Variants in GSE1 observed in about 807,000 individuals in gnomAD.
The protein encoded by GSE1 is genetic suppressor element 1.
Under a neutral mutation model 112.6 loss-of-function variants are expected in GSE1, and 32 were observed. The ratio of observed to expected loss-of-function variants is 0.28; its 90% CI spans 0.21 to 0.38. GSE1 has a LOEUF of 0.38. Among genes scored for constraint, GSE1 ranks in the 10% least tolerant of loss-of-function variants. The pLI, the probability that GSE1 is intolerant of heterozygous loss-of-function variation, is 1.00. For missense variants in GSE1, 2,348 were observed against 1,699.2 expected, an observed-to-expected ratio of 1.38 and a Z score of -6.71; for synonymous variants, 1,115 against 735.6, an observed-to-expected ratio of 1.52 and a Z score of -8.35.
In GSE1 at chr16:85,654,896, C is replaced by T. The variant is rs2051781797; in HGVS notation, c.702C>T (p.Ser234=). 3 of 1,611,630 alleles carry T rather than the reference C, an allele frequency of 1.9e-6. No individual in the cohort carries two copies. The highest frequency in any genetic ancestry group is 1.3e-5 in the African/African-American group (1 of 75,002). The stretch of plus-strand genomic sequence containing the variant: ...ACACCACCGACGACCTCCGCATGTC[C>T]TCACTGCCTCCCCTCGGCCTGGACC... ...PYHTTDDLRM[S]SLPPLGLDPA... Residue 234 remains serine, a synonymous_variant, in exon 5 of 16, where the codon TCC becomes TCT. Coordinates refer to ENST00000253458, the MANE Select transcript of GSE1 (RefSeq NM_014615.5).
intron 2 of GSE1, among the ~76,000 whole-genome samples, chr16:85,477,010 C>G (rs952108941): frequency 6.6e-6 from 1 of 151,308 alleles, no homozygotes; most frequent in African/African-American, 2.4e-5. Context: ...CTGCAACCTC[C>G]ACTTCCCAGG....
intron 1 of GSE1, among the ~76,000 whole-genome samples, chr16:85,304,342 G>C (rs926495021): frequency 6.6e-6 from 1 of 152,232 alleles, no homozygotes; most frequent in Non-Finnish European, 1.5e-5. Context: ...ACAGCCAGGT[G>C]GGGAGAGGCC....
At chr16:85,171,803 C>G (rs774603466) in exon 1 of GSE1, 1 of 985,290 alleles carries the variant, frequency 1.0e-6, no homozygotes, top group Non-Finnish European at 1.2e-6. Context: ...GCAGCAGCGA[C>G]GAAGGTAAGC....
intron 1 of GSE1, among the ~76,000 whole-genome samples, chr16:85,177,126 G>A (rs1238909869): frequency 6.6e-6 from 1 of 152,232 alleles, no homozygotes; most frequent in Non-Finnish European, 1.5e-5. Flanking sequence ...CCAGGGGAAG[G>A]AGGAAGTGAA....
chr16:85,653,498 T>C (rs1598607311), intron 3 of GSE1, among the ~76,000 whole-genome samples: 1 of 151,050 alleles, frequency 6.6e-6, no homozygotes, highest in East Asian at 2.0e-4. Flanking sequence ...CACTGCCTCC[T>C]CCTGCTTTGT....
intron 1 of GSE1, chr16:85,583,572 C>T (rs1372263423): frequency 6.6e-6 from 1 of 152,112 alleles, no homozygotes; most frequent in East Asian, 1.9e-4. Context: ...CAGGAACTCA[C>T]ACATGCTCAC....
intron 2 of GSE1, among the ~76,000 whole-genome samples, chr16:85,403,836 T>G (rs1334461144): frequency 6.6e-6 from 1 of 152,100 alleles, no homozygotes; most frequent in Non-Finnish European, 1.5e-5. Context: ...AAATGTATTC[T>G]GCCACAGTCT....
chr16:85,637,876 C>A (rs1473639031), intron 2 of GSE1, among the ~76,000 whole-genome samples: 3 of 152,182 alleles, frequency 2.0e-5, no homozygotes, highest in Non-Finnish European at 4.4e-5. Context: ...GCTCAGCGGC[C>A]CGCAGCCAGG....
At chr16:85,581,605 C>T (rs1006555256) in intron 1 of GSE1, among the ~76,000 whole-genome samples, 4 of 152,158 alleles carry the variant, frequency 2.6e-5, no homozygotes, top group Non-Finnish European at 5.9e-5. Flanking sequence ...GTTCAGCATG[C>T]GTCTCTGTGC....
intron 2 of GSE1, among the ~76,000 whole-genome samples, chr16:85,394,662 T>G (rs1217817969): frequency 6.6e-6 from 1 of 152,136 alleles, no homozygotes; most frequent in African/African-American, 2.4e-5. Flanking sequence ...TGTGGGCGTC[T>G]CCCCCTGAAA....
At chr16:85,179,296 T>A (rs1454240165) in intron 1 of GSE1, among the ~76,000 whole-genome samples, 1 of 152,200 alleles carries the variant, frequency 6.6e-6, no homozygotes, top group Non-Finnish European at 1.5e-5. Flanking sequence ...CGCAGCACCA[T>A]GTTTTCAGGG....
intron 1 of GSE1, among the ~76,000 whole-genome samples, chr16:85,567,929 GC>G (rs1372017855): frequency 5.9e-5 from 9 of 152,182 alleles, no homozygotes; most frequent in African/African-American, 2.2e-4. Flanking sequence ...TTCTTATGTT[GC>G]CCAGGCTGAT....
At chr16:85,404,167 C>T (rs1171507291) in intron 2 of GSE1, among the ~76,000 whole-genome samples, 1 of 115,120 alleles carries the variant, frequency 8.7e-6, no homozygotes, top group African/African-American at 3.5e-5. Context: ...CTCAGGGCCC[C>T]CCGGATAATC....
At chr16:85,469,336 C>T (rs879419115) in intron 2 of GSE1, among the ~76,000 whole-genome samples, 11 of 151,854 alleles carry the variant, frequency 7.2e-5, no homozygotes, top group Non-Finnish European at 1.3e-4. Flanking sequence ...GACACAGGGG[C>T]GGCCACGTGA....
intron 1 of GSE1, among the ~76,000 whole-genome samples, chr16:85,236,455 T>C (rs990824550): frequency 1.3e-5 from 2 of 152,144 alleles, no homozygotes; most frequent in Admixed American, 6.5e-5. Context: ...ACTGGGGGCA[T>C]AGGAATGAGC....
In GSE1 at chr16:85,650,403, C is replaced by CT. The variant is rs1168805456; in HGVS notation, c.426+1654dup. Among the ~76,000 whole-genome samples, 3 of 152,320 alleles carry CT rather than the reference C, an allele frequency of 2.0e-5. No individual in the cohort carries two copies. The East Asian group carries it at 5.8e-4, about 29-fold the overall frequency. On this transcript the variant is annotated intron_variant, in intron 3 of 15. Transcript: ENST00000253458. ...AGCGCCCGCAGCTCATGGGAGGCCACTTCCCTGCCCCAGCCTGGACCAGGA... is the reference window on the plus strand; with the variant it reads ...AGCGCCCGCAGCTCATGGGAGGCCACTTTCCCTGCCCCAGCCTGGACCAGGA...
intron 2 of GSE1, among the ~76,000 whole-genome samples, chr16:85,509,054 AGAG>A (rs2051642166): frequency 6.6e-6 from 1 of 152,200 alleles, no homozygotes; most frequent in African/African-American, 2.4e-5. Context: ...GACCTGAGGA[AGAG>A]GAGGGATCCA....
upstream of GSE1, chr16:85,555,190 A>C (rs184863792): frequency 6.3e-4 from 621 of 985,408 alleles, 5 homozygotes; most frequent in African/African-American, 0.01. Flanking sequence ...GCTGTCAGGC[A>C]GCCAGCTTTC....
intron 1 of GSE1, among the ~76,000 whole-genome samples, chr16:85,310,393 C>G (rs930931735): frequency 6.6e-6 from 1 of 152,182 alleles, no homozygotes; most frequent in Non-Finnish European, 1.5e-5. Flanking sequence ...ATTAAGCTGT[C>G]GTTCTCATTA....
Sources: gnomAD v4.1 joint callset for allele counts (sites outside exome capture counted in the v4.1 genomes callset) on GRCh38, gnomAD v4.1.1 for gene constraint, MANE v1.5 for transcripts, NCBI Gene and HGNC (gene_info 2026-07-23, HGNC 2026-07-21) for gene names.